The following MARF1 variants were observed in gnomAD, a reference collection of about 807,000 sequenced individuals.
MARF1 encodes the protein limkain-b1.
Under a neutral mutation model 168.2 loss-of-function variants are expected in MARF1, and 24 were observed. The ratio of observed to expected loss-of-function variants is 0.14; its 90% CI spans 0.10 to 0.20. MARF1 has a LOEUF of 0.20. Among genes scored for constraint, MARF1 ranks in the 10% least tolerant of loss-of-function variants. The pLI is 1.00. For synonymous variants in MARF1, 868 were observed against 822.4 expected, an observed-to-expected ratio of 1.06 and a Z score of -0.95; for missense variants, 1,744 against 2,143.6, an observed-to-expected ratio of 0.81 and a Z score of 3.68.
Position 15,625,519 on chromosome 16 carries a change from C to G in MARF1, c.1806G>C (p.Val602=). 6.2e-7 allele frequency: 1 copy of G among 1,614,184 alleles called. No individual in the cohort carries two copies. The highest frequency in any genetic ancestry group is 1.1e-5 in the South Asian group (1 of 91,078). The change falls in exon 8 of 27, where the codon GTG becomes GTC. Residue 602 remains valine (V), a synonymous_variant. Coordinates refer to ENST00000396368, the MANE Select transcript of MARF1 (RefSeq NM_014647.4). ...TKSSNAIADK[V]KSPKKLKNPK... is the part of the protein sequence containing the mutation. ...GATTCTTAAGTTTTTTGGGAGACTT[C>G]ACTTTATCAGCAATTGCATTTGAAC...
intron 16 of MARF1, 146 bp downstream of exon 16, chr16:15,615,684 T>C (rs2033989169): frequency 2.0e-6 from 1 of 492,090 alleles, no homozygotes. Flanking sequence ...CTCAAGCATT[T>C]TAGGAATTTT....
At position 15,636,072 on chromosome 16, in the gene MARF1, G is replaced by C; in HGVS notation, c.415C>G (p.Gln139Glu). The C allele has an allele frequency of 2.5e-6, 4 of 1,614,220 alleles. No homozygotes were observed. Among genetic ancestry groups the C allele is most frequent in the Non-Finnish European group, 3.4e-6 (4 of 1,180,026 alleles). The change falls in exon 3 of 27, where the codon CAA becomes GAA. Residue 139 changes from glutamine to glutamate, a missense_variant. By Grantham distance (29) the Gln-to-Glu change is conservative. Coordinates refer to ENST00000396368, the MANE Select transcript of MARF1 (RefSeq NM_014647.4). ...LIHPGALLDS[Q>E]STRTITCQVG... ...TGACACGTGATTGTCCTGGTGCTTT[G>C]CGAGTCTAACAGTGCGCCCGGGTGA... is the stretch of plus-strand genomic sequence containing the variant.
Position 15,635,686 on chromosome 16 carries a change from G to A in MARF1, c.801C>T (p.Gly267=). Reference sequence around the variant, plus strand: ...TTAGACAGTCTTCGCAGTAAAGTGAGCCCTTTAAACAAACCGGAGGTACCA... The same window carrying A: ...TTAGACAGTCTTCGCAGTAAAGTGAACCCTTTAAACAAACCGGAGGTACCA... ...LNVVPPVCLK[G]SLYCEDCLNK... The change falls in exon 3 of 27, where the codon GGC becomes GGT. Residue 267 remains glycine (G), a synonymous_variant. Transcript: ENST00000396368. 6.2e-7 allele frequency: 1 copy of A among 1,613,948 alleles called. No individual in the cohort carries two copies. Among genetic ancestry groups the A allele is most frequent in the Non-Finnish European group, 8.5e-7 (1 of 1,179,988 alleles).
chr16:15,598,702 G>A (rs2032031009), intron 26 of MARF1, 152 bp downstream of exon 26: 4 of 791,812 alleles, frequency 5.1e-6, no homozygotes, highest in Middle Eastern at 7.5e-4. Flanking sequence ...CAGGAACCCA[G>A]GTGGGGAAAG....
intron 5 of MARF1, among the ~76,000 whole-genome samples, chr16:15,631,884 A>G (rs749236757): frequency 5.9e-5 from 9 of 152,152 alleles, no homozygotes; most frequent in Non-Finnish European, 1.2e-4. Context: ...TGCTGAGAAT[A>G]ATGACTTCCA....
rs1189934488 is a variant in MARF1 at position 15,636,034 on chromosome 16, C to A, written c.453G>T (p.Gly151=). The A allele has an allele frequency of 6.2e-7, 1 of 1,614,210 alleles. No individual in the cohort carries two copies. The highest frequency in any genetic ancestry group is 8.5e-7 in the Non-Finnish European group (1 of 1,180,036). ...GTGAAGATGCAGACTGGAAAGCAAA[C>A]CCTGACCCTACCTGACACGTGATTG... is the stretch of plus-strand genomic sequence containing the variant. ...TRTITCQVGS[G]FAFQSASSLQ... is the part of the protein sequence containing the mutation. The change falls in exon 3 of 27, where the codon GGG becomes GGT. Residue 151 remains glycine, a synonymous_variant. Transcript: ENST00000396368.
In MARF1 at chr16:15,602,765, G is replaced by C. The variant is rs181143339; in HGVS notation, c.4414-562C>G. Reference sequence around the variant, plus strand: ...GGTCTGAAGAGACAGTGTGTGAGTAGGGAAGAAATCGGGGGAGGCAAACTG... The same window carrying C: ...GGTCTGAAGAGACAGTGTGTGAGTACGGAAGAAATCGGGGGAGGCAAACTG... On this transcript the variant is annotated intron_variant, in intron 22 of 26. Transcript: ENST00000396368. 7.6e-6 allele frequency: 3 copies of C among 396,834 alleles called. No individual in the cohort carries two copies. In the Admixed American group the frequency reaches 1.0e-4, roughly 13 times the overall value. The allele number at this position is 396,834 out of a possible 1,614,324, so 24.6% of individuals were successfully genotyped here. A position where few individuals can be genotyped will look rare whatever the true frequency, so the allele number is the denominator to read the frequency against.
Position 15,621,914 on chromosome 16 carries a change from A to G in MARF1, c.2461-3T>C, listed in dbSNP as rs1263864237. On this transcript the variant is annotated splice_region_variant and splice_polypyrimidine_tract_variant and intron_variant, in intron 11 of 26. Transcript: ENST00000396368. Reference sequence around the variant, plus strand: ...GGGCTGAGCTCAACACTCTTCACCTACAACAGGAAAAGCGAAAACTAAACG... The same window carrying G: ...GGGCTGAGCTCAACACTCTTCACCTGCAACAGGAAAAGCGAAAACTAAACG... 2 of 1,610,956 alleles carry G rather than the reference A, an allele frequency of 1.2e-6. No individual in the cohort carries two copies. The highest frequency in any genetic ancestry group is 1.7e-6 in the Non-Finnish European group (2 of 1,179,002).
intron 10 of MARF1, among the ~76,000 whole-genome samples, chr16:15,624,083 TTG>T (rs2034664999): frequency 6.6e-6 from 1 of 152,142 alleles, no homozygotes; most frequent in African/African-American, 2.4e-5. Flanking sequence ...GGCTAATTTT[TTG>T]TATTTTTAGT....
chr16:15,606,630 T>A (rs2033039053), intron 21 of MARF1, among the ~76,000 whole-genome samples: 1 of 152,046 alleles, frequency 6.6e-6, no homozygotes, highest in Admixed American at 6.5e-5. Flanking sequence ...ATGATAAACA[T>A]CAGACCTGCC....
intron 11 of MARF1, among the ~76,000 whole-genome samples, chr16:15,622,215 A>G (rs907509331): frequency 6.6e-6 from 1 of 152,086 alleles, no homozygotes; most frequent in African/African-American, 2.4e-5. Context: ...AACCCAGGAC[A>G]TGGCCATTTT....
At chr16:15,627,286 A>C (rs1422175048) in intron 7 of MARF1, among the ~76,000 whole-genome samples, 4 of 151,828 alleles carry the variant, frequency 2.6e-5, no homozygotes, top group African/African-American at 4.8e-5. Context: ...TCAGGAGTTC[A>C]AGACCAGCCT....
At chr16:15,624,058 C>T (rs1316038242) in intron 10 of MARF1, among the ~76,000 whole-genome samples, 2 of 152,098 alleles carry the variant, frequency 1.3e-5, no homozygotes, top group African/African-American at 2.4e-5. Flanking sequence ...ACTGCAGGCA[C>T]TCACTACCAC....
chr16:15,629,701 G>GC (rs1164068524), intron 7 of MARF1, among the ~76,000 whole-genome samples: 3 of 152,144 alleles, frequency 2.0e-5, no homozygotes, highest in Non-Finnish European at 4.4e-5. Context: ...ACACAGCCCA[G>GC]CACTGCAATA....
At chr16:15,613,425 G>A (rs9933251) in intron 16 of MARF1, among the ~76,000 whole-genome samples, 8,981 of 151,948 alleles carry the variant, frequency 0.059, 927 homozygotes, top group African/African-American at 0.21. Context: ...TGAGGCGGGC[G>A]GATCACGAGG....
intron 15 of MARF1, chr16:15,616,835 T>TA (rs2034088548): frequency 1.9e-6 from 1 of 525,378 alleles, no homozygotes; most frequent in East Asian, 3.0e-5. Flanking sequence ...TGAAAATATG[T>TA]GATTATAATC....
intron 16 of MARF1, among the ~76,000 whole-genome samples, chr16:15,613,708 T>TAAAAA (rs2033794718): frequency 2.1e-5 from 3 of 146,242 alleles, no homozygotes; most frequent in African/African-American, 5.0e-5. Flanking sequence ...TAAAATAAAA[T>TAAAAA]AAAAAGTGGA....
At chr16:15,600,319 T>G in intron 25 of MARF1, 109 bp downstream of exon 25, 1 of 1,418,700 alleles carries the variant, frequency 7.0e-7, no homozygotes, top group Non-Finnish European at 9.7e-7. Context: ...CTATGTAACT[T>G]CAGCAGATTG....
chr16:15,617,152 C>G lies in MARF1; in HGVS notation c.2977G>C (p.Asp993His). The G allele has an allele frequency of 6.2e-7, 1 of 1,614,012 alleles. No homozygotes were observed. Among genetic ancestry groups the G allele is most frequent in the Non-Finnish European group, 8.5e-7 (1 of 1,179,986 alleles). The change falls in exon 15 of 27, where the codon GAC (aspartate) becomes CAC (histidine). Residue 993 changes from aspartate (D) to histidine (H), a missense_variant. Transcript: ENST00000396368. ...ATCACAAAAGGAATCTTGTAAGAGTCTGGATCAAATTCATGTTCGCTGAAG... is the reference window on the plus strand; with the variant it reads ...ATCACAAAAGGAATCTTGTAAGAGTGTGGATCAAATTCATGTTCGCTGAAG... ...KDFSEHEFDP[D>H]SYKIPFVILS...
Sources: gnomAD v4.1 joint callset for allele counts (sites outside exome capture counted in the v4.1 genomes callset) on GRCh38, gnomAD v4.1.1 for gene constraint, MANE v1.5 for transcripts, NCBI Gene and HGNC (gene_info 2026-07-23, HGNC 2026-07-21) for gene names.